The following CADPS variants were observed in gnomAD, a reference collection of about 807,000 sequenced individuals.
The protein encoded by CADPS is calcium-dependent secretion activator 1.
Under a neutral mutation model 167.3 loss-of-function variants are expected in CADPS, and 57 were observed. That is an observed-to-expected ratio of 0.34 (90% CI 0.28 to 0.42). CADPS has a LOEUF of 0.42. Ranked by LOEUF, CADPS falls within the 20% of genes least tolerant of loss-of-function variation. The pLI, the probability that CADPS is intolerant of heterozygous loss-of-function variation, is 1.00. For missense variants in CADPS, 1,414 were observed against 1,738.1 expected (o/e 0.81, Z 3.32); for synonymous variants, 676 against 635.3 (o/e 1.06, Z -0.96).
rs533047001 is a variant in CADPS at position 62,689,874 on chromosome 3, G to A, written c.889-27480C>T. 1.7e-4 allele frequency among the ~76,000 whole-genome samples: 26 copies of A among 152,090 alleles called. 1 individual carries two copies. In the South Asian group the frequency reaches 5.0e-3, roughly 29 times the overall value. On this transcript the variant is annotated intron_variant, in intron 3 of 29. Transcript: ENST00000383710. ...AAGGTGACAATGAGAGATGAGGGGG[G>A]GCGGCGTTCTAGCAGGAGAAAACAG...
chr3:62,633,328 A>G (rs1465255266), intron 6 of CADPS, among the ~76,000 whole-genome samples: 5 of 152,156 alleles, frequency 3.3e-5, no homozygotes, highest in Non-Finnish European at 7.4e-5. Flanking sequence ...ATTGCTGCTC[A>G]TGCCTCATGC....
intron 1 of CADPS, among the ~76,000 whole-genome samples, chr3:62,817,017 G>A (rs998660054): frequency 1.3e-5 from 2 of 152,092 alleles, no homozygotes; most frequent in African/African-American, 4.8e-5. Flanking sequence ...AGATAAAATA[G>A]TCCAAGGCCA....
chr3:62,725,114 TCTC>T (rs1321377873), intron 3 of CADPS, among the ~76,000 whole-genome samples: 2 of 152,110 alleles, frequency 1.3e-5, no homozygotes, highest in African/African-American at 2.4e-5. Context: ...TTCCCAATCT[TCTC>T]CTCAAAACCC....
chr3:62,713,935 TC>T (rs765019447), intron 3 of CADPS, among the ~76,000 whole-genome samples: 19 of 152,324 alleles, frequency 1.2e-4, no homozygotes, highest in Non-Finnish European at 2.5e-4. Flanking sequence ...TTTCTGAACC[TC>T]ATATGCAGCT....
chr3:62,587,389 C>T (rs1161126502), intron 7 of CADPS, among the ~76,000 whole-genome samples: 1 of 152,182 alleles, frequency 6.6e-6, no homozygotes, highest in Non-Finnish European at 1.5e-5. Context: ...TCTTACACGT[C>T]ACCCTGTATC....
chr3:62,826,183 G>C (rs1179799696), intron 1 of CADPS, among the ~76,000 whole-genome samples: 1 of 152,156 alleles, frequency 6.6e-6, no homozygotes, highest in East Asian at 1.9e-4. Flanking sequence ...GAATTTCTGA[G>C]ACATAAGGAC....
In CADPS at chr3:62,456,755, T is replaced by C. The variant is rs568912746; in HGVS notation, c.3636+8612A>G. 1.1e-4 allele frequency among the ~76,000 whole-genome samples: 15 copies of C among 139,396 alleles called. No homozygotes were observed. The East Asian group carries it at 3.1e-3, about 28-fold the overall frequency. 91.4% of individuals were successfully genotyped at this position (139,396 alleles called of 152,430 possible). A position where few individuals can be genotyped will look rare whatever the true frequency, so the allele number is the denominator to read the frequency against. On this transcript the variant is annotated intron_variant, in intron 26 of 29. Coordinates refer to ENST00000383710, the MANE Select transcript of CADPS (RefSeq NM_003716.4). ...TCTCTCTTCCCTTTCTCTTTATCTA[T>C]CACTGTCTAAAAAAAAAAAAAAAAC...
intron 10 of CADPS, among the ~76,000 whole-genome samples, chr3:62,551,504 C>A (rs2077313117): frequency 6.6e-6 from 1 of 152,184 alleles, no homozygotes; most frequent in Non-Finnish European, 1.5e-5. Flanking sequence ...GCTCACAAGG[C>A]AGCCAGAGTC....
At chr3:62,659,831 A>G (rs1389252895) in intron 4 of CADPS, among the ~76,000 whole-genome samples, 3 of 152,204 alleles carry the variant, frequency 2.0e-5, no homozygotes, top group Non-Finnish European at 2.9e-5. Context: ...ATGAACGAAC[A>G]TTGCAGAAGA....
chr3:62,853,641 A>G (rs141653726), intron 1 of CADPS, among the ~76,000 whole-genome samples: 3,409 of 139,486 alleles, frequency 0.024, 55 homozygotes, highest in South Asian at 0.059. Flanking sequence ...AAAAAAAAAG[A>G]AAAGAAAAGA....
intron 1 of CADPS, among the ~76,000 whole-genome samples, chr3:62,872,381 AG>A (rs2153224533): frequency 6.6e-6 from 1 of 152,286 alleles, no homozygotes; most frequent in Non-Finnish European, 1.5e-5. Context: ...GCAGTGAAAA[AG>A]CTTCTTTTTG....
chr3:62,828,643 T>A (rs911931883), intron 1 of CADPS, among the ~76,000 whole-genome samples: 7 of 152,208 alleles, frequency 4.6e-5, no homozygotes, highest in Non-Finnish European at 8.8e-5. Context: ...GAGGGCCAAA[T>A]TTGATGTTAT....
rs1370372272 is a variant in CADPS, at chr3:62,731,460, C to G, written c.888+21981G>C. Among the ~76,000 whole-genome samples, 8 of 152,030 alleles carry G rather than the reference C, an allele frequency of 5.3e-5. No homozygotes were observed. The East Asian group carries it at 1.5e-3, about 29-fold the overall frequency. On this transcript the variant is annotated intron_variant, in intron 3 of 29. Transcript: ENST00000383710. ...ATGTGTGTGAATGGTGTCTCACCTTCCAAACTGAGGTAGTCCACATTTGTC... is the reference window on the plus strand; with the variant it reads ...ATGTGTGTGAATGGTGTCTCACCTTGCAAACTGAGGTAGTCCACATTTGTC...
intron 6 of CADPS, among the ~76,000 whole-genome samples, chr3:62,633,332 C>T (rs2065664104): frequency 6.6e-6 from 1 of 152,154 alleles, no homozygotes; most frequent in Non-Finnish European, 1.5e-5. Context: ...CTGCTCATGC[C>T]TCATGCGGTC....
chr3:62,500,908 G>A (rs551499091), intron 17 of CADPS, among the ~76,000 whole-genome samples: 6 of 152,244 alleles, frequency 3.9e-5, no homozygotes, highest in Middle Eastern at 3.4e-3. Context: ...TAAATTCAGC[G>A]AGACACTATG....
intron 6 of CADPS, among the ~76,000 whole-genome samples, chr3:62,621,673 T>G (rs918155471): frequency 2.0e-5 from 3 of 152,138 alleles, no homozygotes; most frequent in African/African-American, 7.2e-5. Context: ...CTTGTGCAGT[T>G]TATTTCATCA....
intron 27 of CADPS, chr3:62,440,667 C>T (rs2056144261): frequency 6.6e-6 from 1 of 152,186 alleles, no homozygotes; most frequent in Non-Finnish European, 1.5e-5. Flanking sequence ...CAAGCTCCCA[C>T]TCCCAACCAA....
At chr3:62,508,967 A>T (rs2067198139) in intron 17 of CADPS, among the ~76,000 whole-genome samples, 1 of 152,052 alleles carries the variant, frequency 6.6e-6, no homozygotes, top group African/African-American at 2.4e-5. Context: ...TCCACAGAAT[A>T]ATCTGGGCTT....
intron 4 of CADPS, among the ~76,000 whole-genome samples, chr3:62,654,979 T>A (rs913703722): frequency 6.6e-6 from 1 of 151,818 alleles, no homozygotes; most frequent in African/African-American, 2.4e-5. Context: ...GTCCTGAGAT[T>A]TTTTTAGGAG....
Sources: gnomAD v4.1 joint callset for allele counts (sites outside exome capture counted in the v4.1 genomes callset) on GRCh38, gnomAD v4.1.1 for gene constraint, MANE v1.5 for transcripts, NCBI Gene and HGNC (gene_info 2026-07-23, HGNC 2026-07-21) for gene names.